The following ROBO2 variants were observed in gnomAD, a reference collection of about 807,000 sequenced individuals.
The protein encoded by ROBO2 is roundabout homolog 2.
In ROBO2, 53 loss-of-function variants were observed where a neutral mutation model predicts 160.8. That is an observed-to-expected ratio of 0.33 (90% CI 0.26 to 0.41). The LOEUF (loss-of-function observed/expected upper bound fraction) is 0.41. Ranked by LOEUF, ROBO2 falls within the 10% of genes least tolerant of loss-of-function variation. The pLI is 1.00. For missense variants in ROBO2, 1,577 were observed against 1,722.4 expected, an observed-to-expected ratio of 0.92 and a Z score of 1.49; for synonymous variants, 664 against 611.7, an observed-to-expected ratio of 1.09 and a Z score of -1.26.
chr3:75,951,273 A>G (rs1167380377), intron 2 of ROBO2, among the ~76,000 whole-genome samples: 2 of 152,066 alleles, frequency 1.3e-5, no homozygotes, highest in Non-Finnish European at 2.9e-5. Flanking sequence ...TGGCATAACA[A>G]AAATGTGTGT....
In ROBO2 at chr3:76,024,937, G is replaced by T. The variant is rs553122536; in HGVS notation, c.109+87335G>T. Among the ~76,000 whole-genome samples, 3 of 147,758 alleles carry T rather than the reference G, an allele frequency of 2.0e-5. No individual in the cohort carries two copies. The South Asian group carries it at 6.3e-4, about 31-fold the overall frequency. ...AAAGTATATGTATGTGTGTGTGTGC[G>T]TATATATATATATATTATATATATG... On this transcript the variant is annotated intron_variant, in intron 2 of 26. Transcript: ENST00000487694.
intron 22 of ROBO2, chr3:77,618,070 G>A (rs932731472): frequency 2.4e-6 from 1 of 409,972 alleles, no homozygotes. Flanking sequence ...TCAGGCTAAA[G>A]TGCTCTTGGC....
intron 5 of ROBO2, among the ~76,000 whole-genome samples, chr3:77,505,980 C>T (rs2088459831): frequency 1.3e-5 from 2 of 152,112 alleles, no homozygotes; most frequent in Admixed American, 1.3e-4. Context: ...TTAATTAATG[C>T]TTCCAGCAGC....
chr3:76,859,152 C>T (rs970782366), intron 2 of ROBO2, among the ~76,000 whole-genome samples: 1 of 151,894 alleles, frequency 6.6e-6, no homozygotes, highest in Non-Finnish European at 1.5e-5. Flanking sequence ...TCAATTTTGC[C>T]AGAGGGAGAG....
chr3:76,396,886 T>C (rs989703699), intron 2 of ROBO2, among the ~76,000 whole-genome samples: 13 of 152,280 alleles, frequency 8.5e-5, no homozygotes, highest in African/African-American at 2.4e-4. Flanking sequence ...ATTGTGGAAA[T>C]GGCCATACTG....
chr3:77,211,611 A>G (rs545550479), intron 2 of ROBO2, among the ~76,000 whole-genome samples: 2,215 of 152,044 alleles, frequency 0.015, 50 homozygotes, highest in African/African-American at 0.05. Context: ...GGCTTTTGTT[A>G]CCATTGCTTT....
chr3:76,660,262 A>C (rs2091760238), intron 2 of ROBO2, among the ~76,000 whole-genome samples: 1 of 152,210 alleles, frequency 6.6e-6, no homozygotes, highest in African/African-American at 2.4e-5. Flanking sequence ...TGTTTGCAAG[A>C]GATTAGAAAT....
chr3:76,604,405 G>C (rs2087476686), intron 2 of ROBO2, among the ~76,000 whole-genome samples: 1 of 152,064 alleles, frequency 6.6e-6, no homozygotes, highest in Non-Finnish European at 1.5e-5. Flanking sequence ...GATCTTATGT[G>C]TGAATATCTT....
intron 2 of ROBO2, among the ~76,000 whole-genome samples, chr3:77,000,081 G>T (rs562463227): frequency 2.6e-5 from 4 of 151,982 alleles, no homozygotes; most frequent in Admixed American, 2.6e-4. Context: ...GAGTCGAGAT[G>T]ACCTGATTAA....
At chr3:76,315,589 A>G (rs2071949196) in intron 2 of ROBO2, among the ~76,000 whole-genome samples, 1 of 152,212 alleles carries the variant, frequency 6.6e-6, no homozygotes, top group African/African-American at 2.4e-5. Flanking sequence ...TGGAGCTTGT[A>G]GAAGTTTTTT....
chr3:76,034,834 T>C (rs1452257557), intron 2 of ROBO2, among the ~76,000 whole-genome samples: 1 of 152,226 alleles, frequency 6.6e-6, no homozygotes, highest in East Asian at 1.9e-4. Flanking sequence ...TCATGGCCTG[T>C]GCCCCAGCCA....
chr3:77,246,126 G>A (rs1260796761), intron 2 of ROBO2, among the ~76,000 whole-genome samples: 1 of 152,112 alleles, frequency 6.6e-6, no homozygotes, highest in Non-Finnish European at 1.5e-5. Flanking sequence ...TTTGTAGCTA[G>A]AAAGCTCTTT....
rs1346596529 is a variant in ROBO2 at position 77,421,708 on chromosome 3, G to A, written c.389-55706G>A. On this transcript the variant is annotated intron_variant, in intron 2 of 25. Coordinates refer to ENST00000461745, the Ensembl canonical transcript of ROBO2. The stretch of plus-strand genomic sequence containing the variant: ...AAACTCCATAAACATGTTAATTGAA[G>A]TAGATTTTGAAAAAGGGAAAATGAT... 4.6e-5 allele frequency among the ~76,000 whole-genome samples: 7 copies of A among 151,892 alleles called. No homozygotes were observed. The South Asian group carries it at 6.2e-4, about 13-fold the overall frequency.
chr3:76,123,608 A>C (rs900879245), intron 2 of ROBO2, among the ~76,000 whole-genome samples: 1 of 152,140 alleles, frequency 6.6e-6, no homozygotes, highest in East Asian at 1.9e-4. Context: ...TCTGGAACCT[A>C]ACTATGTTTT....
chr3:77,214,402 C>A (rs2084635634), intron 2 of ROBO2, among the ~76,000 whole-genome samples: 1 of 151,998 alleles, frequency 6.6e-6, no homozygotes, highest in Non-Finnish European at 1.5e-5. Flanking sequence ...GGATTGCAAC[C>A]CCTGCCTTTT....
intron 20 of ROBO2, among the ~76,000 whole-genome samples, chr3:77,604,930 C>T (rs2094496719): frequency 6.6e-6 from 1 of 151,852 alleles, no homozygotes; most frequent in Non-Finnish European, 1.5e-5. Context: ...GTTCTGAGCA[C>T]TTCCATTAAA....
intron 2 of ROBO2, among the ~76,000 whole-genome samples, chr3:76,599,514 GT>G (rs370249877): frequency 2.8e-3 from 433 of 152,166 alleles, no homozygotes; most frequent in African/African-American, 9.9e-3. Flanking sequence ...GAACATAAGC[GT>G]ATATGTGTCT....
chr3:76,478,326 A>G (rs1417032626), intron 2 of ROBO2, among the ~76,000 whole-genome samples: 4 of 150,744 alleles, frequency 2.7e-5, no homozygotes, highest in East Asian at 2.0e-4. Flanking sequence ...ATGATTTCCA[A>G]TTTCATCCAT....
intron 2 of ROBO2, among the ~76,000 whole-genome samples, chr3:77,160,090 C>T (rs1366559803): frequency 6.9e-6 from 1 of 145,366 alleles, no homozygotes. Context: ...GTATGTATGC[C>T]CCTGTTCACC....
Sources: gnomAD v4.1 joint callset for allele counts (sites outside exome capture counted in the v4.1 genomes callset) on GRCh38, gnomAD v4.1.1 for gene constraint, MANE v1.5 for transcripts, NCBI Gene and HGNC (gene_info 2026-07-23, HGNC 2026-07-21) for gene names.